Variants in MARCHF6 observed in about 807,000 individuals in gnomAD.
MARCHF6 encodes the protein membrane associated ring-CH-type finger 6.
In MARCHF6, 31 loss-of-function variants were observed where a neutral mutation model predicts 133.7. That is an observed-to-expected ratio of 0.23 (90% CI 0.17 to 0.31). The LOEUF is 0.31. Ranked by LOEUF, MARCHF6 falls within the 10% of genes least tolerant of loss-of-function variation. The pLI is 1.00. For synonymous variants in MARCHF6, 395 were observed against 402.5 expected (o/e 0.98, Z 0.22); for missense variants, 723 against 1,121.6 (o/e 0.64, Z 5.08).
In MARCHF6 at chr5:10,400,853, TA is replaced by T; in HGVS notation, c.972+12del. ...GGATTTGAAGAACACGTGAGTATAA[TA>T]CTTTTACAAAGTTACTTTCATTCAT... On this transcript the variant is annotated intron_variant, in intron 11 of 25. Coordinates refer to ENST00000274140, the MANE Select transcript of MARCHF6 (RefSeq NM_005885.4). 7 of 1,592,374 alleles carry T rather than the reference TA, an allele frequency of 4.4e-6. No homozygotes were observed. The highest frequency in any genetic ancestry group is 6.0e-6 in the Non-Finnish European group (7 of 1,160,574).
intron 2 of MARCHF6, among the ~76,000 whole-genome samples, chr5:10,378,455 C>G (rs1182563609): frequency 2.0e-5 from 3 of 152,112 alleles, no homozygotes; most frequent in Non-Finnish European, 4.4e-5. Context: ...TATTATCAGA[C>G]CAGGATTAAA....
intron 1 of MARCHF6, among the ~76,000 whole-genome samples, chr5:10,360,149 T>TTG (rs1735727119): frequency 6.9e-6 from 1 of 144,344 alleles, no homozygotes; most frequent in Non-Finnish European, 1.5e-5. Flanking sequence ...TGTGTGTTTT[T>TTG]TTTTTTTTTT....
chr5:10,405,632 C>A lies in MARCHF6; in HGVS notation c.1407C>A (p.Ile469=). ...DPDFNPVQEM[I]HLPIYRHLRR... is the part of the protein sequence containing the mutation. ...ATTTCAATCCAGTACAGGAAATGATCCATTTGCCAATATATAGGCATCTCC... is the reference window on the plus strand; with the variant it reads ...ATTTCAATCCAGTACAGGAAATGATACATTTGCCAATATATAGGCATCTCC... The change falls in exon 16 of 26, where the codon ATC becomes ATA. Residue 469 remains isoleucine, a synonymous_variant. Transcript: ENST00000274140. 6.2e-7 allele frequency: 1 copy of A among 1,608,974 alleles called. No homozygotes were observed. Among genetic ancestry groups the A allele is most frequent in the Non-Finnish European group, 8.5e-7 (1 of 1,177,884 alleles).
chr5:10,365,056 G>C (rs2126654606), intron 1 of MARCHF6, among the ~76,000 whole-genome samples: 1 of 152,204 alleles, frequency 6.6e-6, no homozygotes, highest in East Asian at 1.9e-4. Flanking sequence ...ACCCACCTCA[G>C]CCTCCCAAAG....
chr5:10,386,116 C>G (rs1260809699), intron 4 of MARCHF6, among the ~76,000 whole-genome samples: 1 of 151,776 alleles, frequency 6.6e-6, no homozygotes, highest in Non-Finnish European at 1.5e-5. Context: ...TTTGGTTTGT[C>G]AGTTTTACAT....
intron 1 of MARCHF6, among the ~76,000 whole-genome samples, chr5:10,365,515 G>A (rs750692792): frequency 6.6e-5 from 10 of 151,982 alleles, no homozygotes; most frequent in Non-Finnish European, 1.2e-4. Context: ...GGTCAGGTTG[G>A]TCATGAACTG....
chr5:10,372,318 A>G (rs906011905), intron 1 of MARCHF6, among the ~76,000 whole-genome samples: 2 of 152,160 alleles, frequency 1.3e-5, no homozygotes, highest in South Asian at 2.1e-4. Flanking sequence ...AGTGGATATA[A>G]TGCTTTATGA....
At chr5:10,411,049 A>C (rs1053218713) in intron 18 of MARCHF6, among the ~76,000 whole-genome samples, 1 of 152,088 alleles carries the variant, frequency 6.6e-6, no homozygotes, top group Non-Finnish European at 1.5e-5. Context: ...TATCTTGTAC[A>C]TTGTACTTTT....
At chr5:10,391,464 T>A (rs1163974070) in intron 6 of MARCHF6, 78 bp from the exon 7 acceptor site, 25 of 431,804 alleles carry the variant, frequency 5.8e-5, no homozygotes, top group East Asian at 4.6e-4. Flanking sequence ...TTTTTTTTTT[T>A]AGCAGGAATA....
intron 1 of MARCHF6, among the ~76,000 whole-genome samples, chr5:10,362,631 C>T (rs1303322459): frequency 6.6e-6 from 1 of 152,210 alleles, no homozygotes; most frequent in African/African-American, 2.4e-5. Context: ...ATTCTCATCT[C>T]TCCCTTTGCA....
chr5:10,359,452 A>G (rs1027986988), intron 1 of MARCHF6, among the ~76,000 whole-genome samples: 2 of 152,186 alleles, frequency 1.3e-5, no homozygotes, highest in Non-Finnish European at 2.9e-5. Flanking sequence ...TACAATACAT[A>G]TTGTAAGAAT....
chr5:10,380,926 C>CAAA (rs200519303), intron 3 of MARCHF6, among the ~76,000 whole-genome samples: 14 of 98,408 alleles, frequency 1.4e-4, no homozygotes, highest in African/African-American at 4.4e-4. Flanking sequence ...GACTCTGACT[C>CAAA]AAAAAAAAAA....
intron 22 of MARCHF6, among the ~76,000 whole-genome samples, chr5:10,420,659 C>T (rs761982917): frequency 1.3e-5 from 2 of 152,228 alleles, no homozygotes; most frequent in Non-Finnish European, 2.9e-5. Flanking sequence ...CAACATCATA[C>T]ACTGTCACTC....
At position 10,403,558 on chromosome 5, in the gene MARCHF6, A is replaced by ATGC. The variant is rs1738681902; in HGVS notation, c.1332+20_1332+22dup. 1 of 1,595,852 alleles carries ATGC rather than the reference A, an allele frequency of 6.3e-7. No homozygotes were observed. The highest frequency in any genetic ancestry group is 1.8e-5 in the Admixed American group (1 of 55,490). Reference sequence around the variant, plus strand: ...CTGAGAGAGGTAAGTCCACAGGGAAATGCTGATGCTGTACATTTATAAAAA... The same window carrying ATGC: ...CTGAGAGAGGTAAGTCCACAGGGAAATGCTGCTGATGCTGTACATTTATAAAAA... On this transcript the variant is annotated intron_variant, in intron 15 of 25. Transcript: ENST00000274140.
intron 1 of MARCHF6, among the ~76,000 whole-genome samples, chr5:10,376,433 C>T (rs1736784198): frequency 6.6e-6 from 1 of 152,302 alleles, no homozygotes. Context: ...ACTCCAGACG[C>T]GACACCTTAA....
chr5:10,382,735 G>A (rs1481853449), intron 4 of MARCHF6, among the ~76,000 whole-genome samples: 1 of 152,188 alleles, frequency 6.6e-6, no homozygotes, highest in African/African-American at 2.4e-5. Context: ...GCTGAGACAG[G>A]AGAATCACTT....
rs1209016790 is a variant in MARCHF6 at position 10,440,317 on chromosome 5, ATAGTT to A, written c.*6639_*6643del. 1 of 152,236 alleles carries A rather than the reference ATAGTT, an allele frequency of 6.6e-6. No individual in the cohort carries two copies. 9.4% of individuals were successfully genotyped at this position (152,236 alleles called of 1,614,324 possible). ...TATTTCCCAGAGGTAACTGCTGTTAATAGTTTAGTTGTGTGCTTCCAGACATACCT... is the reference window on the plus strand; with the variant it reads ...TATTTCCCAGAGGTAACTGCTGTTAATAGTTGTGTGCTTCCAGACATACCT... On this transcript the variant is annotated 3_prime_UTR_variant, in exon 26 of 26. Transcript: ENST00000274140.
intron 10 of MARCHF6, among the ~76,000 whole-genome samples, chr5:10,398,613 T>TTA: frequency 6.6e-6 from 1 of 151,990 alleles, no homozygotes; most frequent in African/African-American, 2.4e-5. Flanking sequence ...GAAAAAATGA[T>TTA]CTATAGATTT....
intron 4 of MARCHF6, among the ~76,000 whole-genome samples, chr5:10,385,850 G>GT (rs958597047): frequency 2.6e-5 from 4 of 152,182 alleles, no homozygotes; most frequent in African/African-American, 9.6e-5. Context: ...ATAGGCAAAA[G>GT]TAAGGACTTA....
Sources: gnomAD v4.1 joint callset for allele counts (sites outside exome capture counted in the v4.1 genomes callset) on GRCh38, gnomAD v4.1.1 for gene constraint, MANE v1.5 for transcripts, NCBI Gene and HGNC (gene_info 2026-07-23, HGNC 2026-07-21) for gene names.